RABGAP1L: variants seen among roughly 807,000 people sequenced by gnomAD.
RABGAP1L encodes the protein RAB GTPase activating protein 1 like, also known as rab GTPase-activating protein 1-like.
Under a neutral mutation model 137.7 loss-of-function variants are expected in RABGAP1L, and 63 were observed. That is an observed-to-expected ratio of 0.46 (90% confidence interval 0.37 to 0.56). RABGAP1L has a LOEUF of 0.56. RABGAP1L is among the 20% of genes least tolerant of loss of function. The pLI, the probability that RABGAP1L is intolerant of heterozygous loss-of-function variation, is 0.00. For synonymous variants in RABGAP1L, 431 were observed against 433.7 expected, an observed-to-expected ratio of 0.99 and a Z score of 0.08; for missense variants, 1,095 against 1,244.0, an observed-to-expected ratio of 0.88 and a Z score of 1.80.
At chr1:174,521,738 A>G (rs1663413374) in intron 13 of RABGAP1L, among the ~76,000 whole-genome samples, 1 of 152,198 alleles carries the variant, frequency 6.6e-6, no homozygotes, top group Admixed American at 6.5e-5. Context: ...ATATATCAGC[A>G]TCTTATACAA....
intron 17 of RABGAP1L, among the ~76,000 whole-genome samples, chr1:174,727,145 C>T (rs1350556299): frequency 1.3e-5 from 2 of 152,134 alleles, no homozygotes; most frequent in African/African-American, 4.8e-5. Flanking sequence ...TAAGGTTTTT[C>T]TGAGGATTAA....
At chr1:174,538,096 A>G (rs368746497) in intron 13 of RABGAP1L, among the ~76,000 whole-genome samples, 5 of 151,994 alleles carry the variant, frequency 3.3e-5, no homozygotes, top group African/African-American at 1.2e-4. Context: ...CTTAGACCTC[A>G]TTTCTCTCGT....
At chr1:174,734,449 GA>G (rs1682765827) in intron 17 of RABGAP1L, among the ~76,000 whole-genome samples, 1 of 152,072 alleles carries the variant, frequency 6.6e-6, no homozygotes, top group Non-Finnish European at 1.5e-5. Flanking sequence ...AAAAGGAACT[GA>G]AAAGAGTGAA....
chr1:174,892,152 T>G (rs1656273452), intron 19 of RABGAP1L, among the ~76,000 whole-genome samples: 1 of 152,202 alleles, frequency 6.6e-6, no homozygotes, highest in South Asian at 2.1e-4. Flanking sequence ...TCTCGCGTGG[T>G]GGCTCTGGCC....
chr1:174,224,380 G>C (rs910564054), intron 3 of RABGAP1L, among the ~76,000 whole-genome samples: 3 of 152,098 alleles, frequency 2.0e-5, no homozygotes, highest in Non-Finnish European at 4.4e-5. Flanking sequence ...CTGGGCAGGA[G>C]AATGGCTTGA....
intron 13 of RABGAP1L, among the ~76,000 whole-genome samples, chr1:174,466,438 A>G (rs894383695): frequency 2.6e-5 from 4 of 152,136 alleles, no homozygotes; most frequent in Non-Finnish European, 5.9e-5. Context: ...GTTAATATCT[A>G]GTTCCCATTT....
chr1:174,769,697 C>A (rs1278228184), intron 18 of RABGAP1L, among the ~76,000 whole-genome samples: 4 of 151,998 alleles, frequency 2.6e-5, no homozygotes, highest in Non-Finnish European at 4.4e-5. Flanking sequence ...TAGATGAGAT[C>A]AAGAAGTTAG....
chr1:174,702,017 C>G (rs1679701811), intron 16 of RABGAP1L, 96 bp from the exon 17 acceptor site: 1 of 1,139,054 alleles, frequency 8.8e-7, no homozygotes, highest in Non-Finnish European at 1.3e-6. Context: ...TTACAGCGAT[C>G]ATAGAAAGCT....
At chr1:174,885,603 C>G (rs941974657) in intron 19 of RABGAP1L, among the ~76,000 whole-genome samples, 2 of 152,008 alleles carry the variant, frequency 1.3e-5, no homozygotes, top group African/African-American at 2.4e-5. Flanking sequence ...TGATCCTCCC[C>G]CCTCGGCCTC....
At chr1:174,701,164 C>G in intron 16 of RABGAP1L, 1 of 1,303,222 alleles carries the variant, frequency 7.7e-7, no homozygotes, top group Non-Finnish European at 1.0e-6. Context: ...TATGCTAATA[C>G]TTTGTACCTT....
chr1:174,652,680 A>G (rs1388783274), intron 14 of RABGAP1L, among the ~76,000 whole-genome samples: 1 of 152,210 alleles, frequency 6.6e-6, no homozygotes, highest in African/African-American at 2.4e-5. Context: ...GCTTTGTCCT[A>G]GAGAGGCACT....
chr1:174,707,434 GA>G (rs1680138678), intron 17 of RABGAP1L, among the ~76,000 whole-genome samples: 1 of 152,104 alleles, frequency 6.6e-6, no homozygotes, highest in Non-Finnish European at 1.5e-5. Context: ...CTATGATGGG[GA>G]AAATCCAGCA....
intron 11 of RABGAP1L, among the ~76,000 whole-genome samples, chr1:174,369,751 G>A (rs1399511506): frequency 6.6e-6 from 1 of 152,064 alleles, no homozygotes; most frequent in Non-Finnish European, 1.5e-5. Flanking sequence ...GCTTATGTGA[G>A]GTATTTCTAG....
intron 17 of RABGAP1L, among the ~76,000 whole-genome samples, chr1:174,744,243 A>G (rs392307): frequency 0.37 from 56,633 of 151,956 alleles, 13,908 homozygotes; most frequent in African/African-American, 0.7. Flanking sequence ...TTAAACTTTC[A>G]AAGAGATTAA....
intron 12 of RABGAP1L, among the ~76,000 whole-genome samples, chr1:174,384,813 T>G (rs1349813536): frequency 6.6e-6 from 1 of 152,242 alleles, no homozygotes; most frequent in Non-Finnish European, 1.5e-5. Flanking sequence ...CTGAATTTTT[T>G]GATGAAATAT....
chr1:174,193,298 C>T (rs1018926813), intron 1 of RABGAP1L, among the ~76,000 whole-genome samples: 1 of 152,188 alleles, frequency 6.6e-6, no homozygotes, highest in Non-Finnish European at 1.5e-5. Flanking sequence ...TTGGAATGCC[C>T]AGGCGGGCAG....
At chr1:174,824,247 T>C (rs1691338810) in intron 19 of RABGAP1L, among the ~76,000 whole-genome samples, 1 of 151,820 alleles carries the variant, frequency 6.6e-6, no homozygotes, top group African/African-American at 2.4e-5. Context: ...CTGAGTTCGC[T>C]CCACTTCCCT....
intron 12 of RABGAP1L, among the ~76,000 whole-genome samples, chr1:174,393,722 T>G (rs1283442055): frequency 6.6e-6 from 1 of 152,124 alleles, no homozygotes; most frequent in African/African-American, 2.4e-5. Flanking sequence ...TTATTATGAG[T>G]AAGTCCATAG....
chr1:174,312,713 A>T (rs183157575), intron 11 of RABGAP1L, among the ~76,000 whole-genome samples: 4 of 151,998 alleles, frequency 2.6e-5, no homozygotes, highest in Non-Finnish European at 5.9e-5. Flanking sequence ...AGTGTTTCTT[A>T]TAGTAGTTTT....
Sources: allele counts gnomAD v4.1 joint callset (sites outside exome capture counted in the v4.1 genomes callset), GRCh38; gene constraint gnomAD v4.1.1; transcripts MANE v1.5; gene names NCBI Gene and HGNC (gene_info 2026-07-23, HGNC 2026-07-21).